Variants in VIPR1 observed in about 807,000 individuals in gnomAD.
VIPR1 encodes vasoactive intestinal peptide receptor 1.
In VIPR1, 59 loss-of-function variants were observed where a neutral mutation model predicts 58.8. The ratio of observed to expected loss-of-function variants is 1.00; its 90% confidence interval spans 0.81 to 1.25. VIPR1 has a LOEUF of 1.25. Ranked by LOEUF, VIPR1 falls within the 50% of genes most tolerant of loss-of-function variation. The pLI is 0.00. For missense variants in VIPR1, 626 were observed against 602.7 expected (o/e 1.04, Z -0.40); for synonymous variants, 251 against 242.1 (o/e 1.04, Z -0.34).
intron 2 of VIPR1, among the ~76,000 whole-genome samples, chr3:42,515,459 C>A (rs1190675845): frequency 6.6e-6 from 1 of 152,208 alleles, no homozygotes; most frequent in Non-Finnish European, 1.5e-5. Context: ...CAGGCCCCAG[C>A]GGTGGGATCA....
At chr3:42,496,252 C>T (rs530761224) in intron 1 of VIPR1, among the ~76,000 whole-genome samples, 1 of 152,262 alleles carries the variant, frequency 6.6e-6, no homozygotes, top group Admixed American at 6.5e-5. Context: ...AATACATCTC[C>T]CTTATTCCAT....
intron 1 of VIPR1, among the ~76,000 whole-genome samples, chr3:42,496,950 A>T (rs1699774093): frequency 9.6e-6 from 1 of 103,758 alleles, no homozygotes; most frequent in Admixed American, 9.7e-5. Flanking sequence ...TGGGAGTTAC[A>T]TACTTTCTTT....
chr3:42,493,205 G>A lies in VIPR1; in HGVS notation c.-245+3527G>A, dbSNP rs117379408. 2.2e-3 allele frequency among the ~76,000 whole-genome samples: 330 copies of A among 152,296 alleles called. 2 individuals carry two copies. Among genetic ancestry groups the A allele is most frequent in the East Asian group, 0.019 (97 of 5,178 alleles). On this transcript the variant is annotated intron_variant, in intron 1 of 13. Coordinates refer to the VIPR1 transcript ENST00000433647. ...GTGGCTTCTGGCTCCAGTGAGACCC[G>A]AGGCTATCTGCTGCAGACCCCAGAT... is the stretch of plus-strand genomic sequence containing the variant.
In VIPR1 at chr3:42,519,176, G is replaced by T. The variant is rs1447878122; in HGVS notation, c.185-47G>T. On this transcript the variant is annotated intron_variant, in intron 2 of 12. Transcript: ENST00000325123. ...ATGGCCTCAGGCCCCAGGGCTGGAG[G>T]CACCTGCACTGTGCTCACCCATGTG... is the stretch of plus-strand genomic sequence containing the variant. The T allele has an allele frequency of 4.8e-6, 7 of 1,462,178 alleles. No individual in the cohort carries two copies. In the South Asian group the frequency reaches 9.7e-5, roughly 20 times the overall value. 90.6% of individuals were successfully genotyped at this position (1,462,178 alleles called of 1,614,324 possible).
In VIPR1 at chr3:42,502,722, G is replaced by A. The variant is rs1043293013; in HGVS notation, c.-14G>A. The stretch of plus-strand genomic sequence containing the variant: ...GCCCGCGCGGGGCCGCCCGCCGCGG[G>A]CTCAGGGCAGACCATGCGCCCGCCA... On this transcript the variant is annotated 5_prime_UTR_variant, in exon 1 of 13. Coordinates refer to ENST00000325123, the MANE Select transcript of VIPR1 (RefSeq NM_004624.4). 1.1e-5 allele frequency: 15 copies of A among 1,307,798 alleles called. No homozygotes were observed. Among genetic ancestry groups the A allele is most frequent in the South Asian group, 2.2e-5 (1 of 44,554 alleles). 81.0% of individuals were successfully genotyped at this position (1,307,798 alleles called of 1,614,324 possible). A position where few individuals can be genotyped will look rare whatever the true frequency, so the allele number is the denominator to read the frequency against.
In VIPR1 at chr3:42,531,490, C is replaced by A. The variant is rs1344119981; in HGVS notation, c.810C>A (p.Thr270=). 6.3e-7 allele frequency: 1 copy of A among 1,590,286 alleles called. No homozygotes were observed. The highest frequency in any genetic ancestry group is 1.1e-5 in the South Asian group (1 of 87,368). The change falls in exon 8 of 13, where the codon ACC becomes ACA. Residue 270 remains threonine (T), a synonymous_variant. Transcript: ENST00000325123. ...LIGWGVPSTF[T]MVWTIARIHF... is the part of the protein sequence containing the mutation. ...TGACAGGGGTACCCAGCACATTCAC[C>A]ATGGTGTGGACCATCGCCAGGATCC...
upstream of VIPR1, among the ~76,000 whole-genome samples, chr3:42,497,914 A>G (rs970799245): frequency 6.6e-6 from 1 of 152,238 alleles, no homozygotes; most frequent in Non-Finnish European, 1.5e-5. Flanking sequence ...GTGTGCAAAC[A>G]GAATAATACA....
chr3:42,523,963 G>A (rs1448718205), intron 3 of VIPR1, among the ~76,000 whole-genome samples: 2 of 152,098 alleles, frequency 1.3e-5, no homozygotes, highest in Non-Finnish European at 2.9e-5. Context: ...GACTACAGGT[G>A]TGTGCCACCA....
At chr3:42,506,729 T>C (rs879804433) in intron 1 of VIPR1, 2 of 152,102 alleles carry the variant, frequency 1.3e-5, no homozygotes, top group Admixed American at 1.3e-4. Context: ...GGTTTCGCCA[T>C]GTTGGCCAGG....
chr3:42,533,582 A>G (rs746860976), intron 10 of VIPR1: 7 of 152,334 alleles, frequency 4.6e-5, no homozygotes, highest in Admixed American at 6.5e-5. Flanking sequence ...GGTCAGGGCC[A>G]GGTCTGTGTG....
At chr3:42,525,827 A>G in intron 3 of VIPR1, 60 bp from the exon 4 acceptor site, 4 of 1,487,328 alleles carry the variant, frequency 2.7e-6, no homozygotes, top group Non-Finnish European at 3.6e-6. Flanking sequence ...CCAAGCAGAG[A>G]CAGCCAGGTC....
chr3:42,491,547 C>T (rs1268583303), intron 1 of VIPR1, among the ~76,000 whole-genome samples: 1 of 152,024 alleles, frequency 6.6e-6, no homozygotes, highest in Non-Finnish European at 1.5e-5. Flanking sequence ...TATTTTGAAG[C>T]TTTCTTTCTT....
At position 42,530,891 on chromosome 3, in the gene VIPR1, C is replaced by G. The variant is rs1206568335; in HGVS notation, c.749C>G (p.Ser250Cys). 6.2e-7 allele frequency: 1 copy of G among 1,614,100 alleles called. No homozygotes were observed. Among genetic ancestry groups the G allele is most frequent in the African/African-American group, 1.3e-5 (1 of 75,032 alleles). Reference protein sequence around the residue: ...LYTLLAVSFFSERKYFWGYIL... With the variant: ...LYTLLAVSFFCERKYFWGYIL... ...ACCCTGCTTGCCGTCTCCTTCTTCT[C>G]TGAGCGGAAGTACTTCTGGGGGTAC... The change falls in exon 7 of 13, where the codon TCT (serine) becomes TGT (cysteine). Residue 250 changes from serine (S) to cysteine (C), a missense_variant. By Grantham distance (112) the Ser-to-Cys change is moderately radical (BLOSUM62 -1). Transcript: ENST00000325123.
chr3:42,494,970 G>C (rs1257988665), intron 1 of VIPR1, among the ~76,000 whole-genome samples: 1 of 151,942 alleles, frequency 6.6e-6, no homozygotes, highest in African/African-American at 2.4e-5. Flanking sequence ...TACTTAAAAG[G>C]GTGATTTCTG....
chr3:42,536,349 G>A lies in VIPR1; in HGVS notation c.*68G>A. The A allele has an allele frequency of 2.8e-6, 4 of 1,437,378 alleles. No homozygotes were observed. The highest frequency in any genetic ancestry group is 2.7e-6 in the Non-Finnish European group (3 of 1,101,396). 89.0% of individuals were successfully genotyped at this position (1,437,378 alleles called of 1,614,324 possible). On this transcript the variant is annotated 3_prime_UTR_variant, in exon 13 of 13. Transcript: ENST00000325123. ...TCCCACTCACCCCGGCAGACGCCGG[G>A]GACAGAGGCCTGCCCGGGCGCGGCC...
At chr3:42,508,129 G>T (rs1331301499) in intron 1 of VIPR1, 1 of 152,242 alleles carries the variant, frequency 6.6e-6, no homozygotes, top group Non-Finnish European at 1.5e-5. Context: ...CCTACCTGGG[G>T]TTATGCAAGG....
chr3:42,528,563 T>C (rs1339714277), intron 6 of VIPR1: 3 of 175,650 alleles, frequency 1.7e-5, no homozygotes, highest in Admixed American at 1.2e-4. Context: ...CCACTTTTCC[T>C]ACTCCCCCCG....
At chr3:42,515,970 G>A (rs1363698401) in intron 2 of VIPR1, among the ~76,000 whole-genome samples, 2 of 152,156 alleles carry the variant, frequency 1.3e-5, no homozygotes, top group African/African-American at 4.8e-5. Context: ...GTGTCTCTCT[G>A]TGCCCATTTG....
intron 4 of VIPR1, 56 bp from the exon 5 acceptor site, chr3:42,527,337 C>T: frequency 6.5e-7 from 1 of 1,543,276 alleles, no homozygotes. Context: ...TGCCAATACC[C>T]CCTAGATGAG....
Sources: allele counts gnomAD v4.1 joint callset (sites outside exome capture counted in the v4.1 genomes callset), GRCh38; gene constraint gnomAD v4.1.1; transcripts MANE v1.5; gene names NCBI Gene and HGNC (gene_info 2026-07-23, HGNC 2026-07-21).